The following CERK variants were observed in gnomAD, a reference collection of about 807,000 sequenced individuals.
The protein encoded by CERK is acylsphingosine kinase.
Under a neutral mutation model 63.4 loss-of-function variants are expected in CERK, and 39 were observed. The observed-to-expected ratio is 0.61, with a 90% CI of 0.48 to 0.80. The LOEUF is 0.80. Among genes scored for constraint, CERK ranks in the 30% least tolerant of loss-of-function variants. CERK has a pLI of 0.00. For synonymous variants in CERK, 302 were observed against 280.0 expected, an observed-to-expected ratio of 1.08 and a Z score of -0.78; for missense variants, 670 against 714.1, an observed-to-expected ratio of 0.94 and a Z score of 0.70.
intron 4 of CERK, 55 bp downstream of exon 4, chr22:46,712,113 T>C (rs746978010): frequency 1.3e-5 from 21 of 1,600,776 alleles, no homozygotes; most frequent in Non-Finnish European, 1.6e-5. Context: ...CTCTAGTGAC[T>C]ATACTTGAAT....
intron 6 of CERK, among the ~76,000 whole-genome samples, chr22:46,707,231 C>T (rs191496591): frequency 1.3e-5 from 2 of 152,182 alleles, no homozygotes; most frequent in Admixed American, 1.3e-4. Context: ...TCGTCCCCTG[C>T]CAGGTCATTT....
Position 46,714,088 on chromosome 22 carries a change from T to C in CERK, c.380-1795A>G, listed in dbSNP as rs2082856209. ...GTGTTTGAAACCAGCCTGGGCAACA[T>C]GGTGAAACCCTGTCTCTACTAACAA... On this transcript the variant is annotated intron_variant, in intron 3 of 12. Coordinates refer to ENST00000216264, the MANE Select transcript of CERK (RefSeq NM_022766.6). This position sits in a 1 kb window ranked among gnomAD's most constrained non-coding sequence, Gnocchi z 4.4. Among the ~76,000 whole-genome samples, 1 of 152,100 alleles carries C rather than the reference T, an allele frequency of 6.6e-6. No homozygotes were observed. Among genetic ancestry groups the C allele is most frequent in the African/African-American group, 2.4e-5 (1 of 41,398 alleles).
Position 46,689,831 on chromosome 22 carries a change from C to T in CERK, c.1541+161G>A, listed in dbSNP as rs140858651. Among the ~76,000 whole-genome samples the T allele has an allele frequency of 1.1e-3, 172 of 152,230 alleles. 1 individual carries two copies. The highest frequency in any genetic ancestry group is 3.9e-3 in the African/African-American group (160 of 41,522). On this transcript the variant is annotated intron_variant, in intron 12 of 12. Transcript: ENST00000216264. ...AGAATGTGGGTAACGGCATCTCATTCGATATTTGACATAGGGAGAGAAAAG... is the reference window on the plus strand; with the variant it reads ...AGAATGTGGGTAACGGCATCTCATTTGATATTTGACATAGGGAGAGAAAAG...
intron 8 of CERK, among the ~76,000 whole-genome samples, chr22:46,695,849 C>CCAGCAGCCTGGCACCCGGGCTGT (rs1372407279): frequency 9.5e-4 from 144 of 152,236 alleles, no homozygotes; most frequent in African/African-American, 3.4e-3. Context: ...CACGGGGCTG[C>CCAGCAGCCTGGCACCCGGGCTGT]CAGCAGCCTG....
chr22:46,718,384 T>G (rs2082876301), intron 3 of CERK, among the ~76,000 whole-genome samples: 1 of 150,464 alleles, frequency 6.6e-6, no homozygotes, highest in East Asian at 1.9e-4. Context: ...AAAGGGGGAG[T>G]CGAGAGACAA....
chr22:46,710,351 T>C (rs1198914069), intron 5 of CERK, among the ~76,000 whole-genome samples: 1 of 151,928 alleles, frequency 6.6e-6, no homozygotes, highest in Non-Finnish European at 1.5e-5. Flanking sequence ...GGAGAATCAT[T>C]TGGACTTGGG....
rs374471144 is a variant in CERK, at chr22:46,708,028, C to T, written c.570-40G>A. 1.9e-5 allele frequency: 30 copies of T among 1,566,452 alleles called. No individual in the cohort carries two copies. In the African/African-American group the frequency reaches 2.0e-4, roughly 11 times the overall value. ...CAGCCGGTCAGGGCTCCTGCAGGTG[C>T]GGCCCTCTGAGCGCAGCAGGCCTGA... On this transcript the variant is annotated intron_variant, in intron 5 of 12. Transcript: ENST00000216264.
At chr22:46,701,145 G>A (rs1298824130) in intron 7 of CERK, among the ~76,000 whole-genome samples, 9 of 152,260 alleles carry the variant, frequency 5.9e-5, no homozygotes, top group Non-Finnish European at 1.3e-4. Flanking sequence ...AGAGCCCACC[G>A]TGCTGAGTGC....
chr22:46,690,334 T>A, intron 11 of CERK, 134 bp from the exon 12 acceptor site: 1 of 642,874 alleles, frequency 1.6e-6, no homozygotes, highest in Non-Finnish European at 2.7e-6. Context: ...AGGATGCGAC[T>A]GCTTGTGCAG....
chr22:46,701,874 G>A (rs773221682), intron 6 of CERK, among the ~76,000 whole-genome samples, 164 bp from the exon 7 acceptor site: 6 of 152,136 alleles, frequency 3.9e-5, no homozygotes, highest in Non-Finnish European at 5.9e-5. Context: ...AAATACTAGC[G>A]TTGATTCCTC....
chr22:46,705,478 C>G (rs896915959), intron 6 of CERK, among the ~76,000 whole-genome samples: 1 of 152,064 alleles, frequency 6.6e-6, no homozygotes, highest in Non-Finnish European at 1.5e-5. Flanking sequence ...TTGAGACCAC[C>G]CTGGCCAACG....
intron 11 of CERK, among the ~76,000 whole-genome samples, chr22:46,690,517 T>C (rs1367964761): frequency 2.6e-5 from 4 of 152,182 alleles, no homozygotes; most frequent in Non-Finnish European, 5.9e-5. Context: ...TTATCTACAA[T>C]GACGAACGCT....
At position 46,687,069 on chromosome 22, in the gene CERK, G is replaced by C. The variant is rs186734782; in HGVS notation, c.*65C>G. ...TTTAAATGTATATATCAACATAATT[G>C]GTCTGTAATAATTATCTTAAATAGT... On this transcript the variant is annotated 3_prime_UTR_variant, in exon 13 of 13. Transcript: ENST00000216264. 1,967 of 1,254,496 alleles carry C rather than the reference G, an allele frequency of 1.6e-3. 8 individuals carry two copies. Among genetic ancestry groups the C allele is most frequent in the Middle Eastern group, 1.9e-3 (10 of 5,306 alleles). 77.7% of individuals were successfully genotyped at this position (1,254,496 alleles called of 1,614,324 possible). A position where few individuals can be genotyped will look rare whatever the true frequency, so the allele number is the denominator to read the frequency against.
chr22:46,688,575 G>A (rs2082714843), intron 12 of CERK, among the ~76,000 whole-genome samples: 1 of 152,224 alleles, frequency 6.6e-6, no homozygotes, highest in Non-Finnish European at 1.5e-5. Context: ...TCCTCCCTTA[G>A]GCTTGTTCGG....
At chr22:46,701,918 C>T (rs138532297) in intron 6 of CERK, among the ~76,000 whole-genome samples, 1 of 152,146 alleles carries the variant, frequency 6.6e-6, no homozygotes, top group Admixed American at 6.5e-5. Flanking sequence ...CGGTGGCTCA[C>T]GCCTGTCATC....
intron 12 of CERK, among the ~76,000 whole-genome samples, chr22:46,687,780 G>A (rs552659890): frequency 6.6e-6 from 1 of 152,348 alleles, no homozygotes; most frequent in South Asian, 2.1e-4. Context: ...CAGGGGCTCG[G>A]TGGCCACAGT....
chr22:46,733,862 T>A, intron 1 of CERK, among the ~76,000 whole-genome samples: 1 of 151,324 alleles, frequency 6.6e-6, no homozygotes, highest in East Asian at 2.0e-4. Context: ...GCCAACATGG[T>A]GAAACCCTGT....
At position 46,714,720 on chromosome 22, in the gene CERK, T is replaced by C. The variant is rs201340533; in HGVS notation, c.380-2427A>G. ...ATAGCCTCAAGATTATAGGAACGCT[T>C]CCAGAGAACAGAAAAAAACAAACAC... On this transcript the variant is annotated intron_variant, in intron 3 of 12. Transcript: ENST00000216264. The surrounding 1 kb of genome is among the most constrained non-coding windows in gnomAD (Gnocchi z 4.4). Among the ~76,000 whole-genome samples the C allele has an allele frequency of 2.6e-5, 4 of 152,216 alleles. No individual in the cohort carries two copies. The East Asian group carries it at 5.8e-4, about 22-fold the overall frequency.
intron 10 of CERK, among the ~76,000 whole-genome samples, chr22:46,692,905 A>C (rs1452061701): frequency 6.2e-5 from 2 of 32,356 alleles, no homozygotes; most frequent in African/African-American, 2.4e-4. Flanking sequence ...AACTCCATCC[A>C]AAAAAAAAAA....
Sources: allele counts gnomAD v4.1 joint callset (sites outside exome capture counted in the v4.1 genomes callset), GRCh38; gene constraint gnomAD v4.1.1; non-coding constraint Gnocchi (gnomAD v3.1); transcripts MANE v1.5; gene names NCBI Gene and HGNC (gene_info 2026-07-23, HGNC 2026-07-21).